Variants in FGF12 observed in about 807,000 individuals in gnomAD.
FGF12 encodes the protein fibroblast growth factor 12.
A neutral mutation model predicts 23.6 loss-of-function variants in FGF12; 14 were observed. That is an observed-to-expected ratio of 0.59 (90% CI 0.39 to 0.93). FGF12 has a LOEUF of 0.93. Among genes scored for constraint, FGF12 ranks in the 40% least tolerant of loss-of-function variants. The pLI, the probability that FGF12 is intolerant of heterozygous loss-of-function variation, is 0.00. For synonymous variants in FGF12, 62 were observed against 77.3 expected, an observed-to-expected ratio of 0.80 and a Z score of 1.04; for missense variants, 175 against 217.8, an observed-to-expected ratio of 0.80 and a Z score of 1.24.
chr3:192,570,543 G>A (rs1300165884), intron 2 of FGF12, among the ~76,000 whole-genome samples: 1 of 152,162 alleles, frequency 6.6e-6, no homozygotes, highest in Non-Finnish European at 1.5e-5. Flanking sequence ...ATTAAGGACT[G>A]AGTCTGGAAG....
At chr3:192,378,489 G>A (rs188597933) in intron 2 of FGF12, among the ~76,000 whole-genome samples, 1 of 152,000 alleles carries the variant, frequency 6.6e-6, no homozygotes, top group African/African-American at 2.4e-5. Context: ...AATTTAAATA[G>A]GTAAACCTTA....
intron 2 of FGF12, among the ~76,000 whole-genome samples, chr3:192,496,575 C>A (rs1276008897): frequency 5.3e-5 from 8 of 152,146 alleles, no homozygotes; most frequent in Non-Finnish European, 1.2e-4. Context: ...CTTCTCCACA[C>A]AACTTCACTG....
chr3:192,681,278 G>A (rs1223363287), intron 2 of FGF12, among the ~76,000 whole-genome samples: 1 of 152,198 alleles, frequency 6.6e-6, no homozygotes, highest in African/African-American at 2.4e-5. Context: ...GTGACATAAA[G>A]TCAGACTAGG....
At chr3:192,711,450 C>T (rs1348495774) in intron 2 of FGF12, among the ~76,000 whole-genome samples, 3 of 151,672 alleles carry the variant, frequency 2.0e-5, no homozygotes, top group Admixed American at 6.6e-5. Flanking sequence ...GGAGGTGTAC[C>T]CAACAGCTCA....
chr3:192,401,018 C>A (rs1330270210), intron 2 of FGF12, among the ~76,000 whole-genome samples: 1 of 152,184 alleles, frequency 6.6e-6, no homozygotes, highest in Non-Finnish European at 1.5e-5. Flanking sequence ...TAGTTTATAT[C>A]TCTCAATATT....
intron 4 of FGF12, among the ~76,000 whole-genome samples, chr3:192,189,160 C>A (rs80006992): frequency 0.022 from 3,405 of 152,284 alleles, 135 homozygotes; most frequent in African/African-American, 0.078. Flanking sequence ...ATCTCCAGTC[C>A]TGTTTAAGCC....
At chr3:192,323,170 G>A (rs115335838) in intron 4 of FGF12, among the ~76,000 whole-genome samples, 2,184 of 152,186 alleles carry the variant, frequency 0.014, 42 homozygotes, top group East Asian at 0.049. Flanking sequence ...GGTTCCTCAA[G>A]AAACTAAAAA....
chr3:192,529,343 A>G (rs1413448342), intron 2 of FGF12, among the ~76,000 whole-genome samples: 25 of 152,086 alleles, frequency 1.6e-4, no homozygotes, highest in Admixed American at 1.6e-3. Context: ...GTTTCTCACA[A>G]TTTCCTCATC....
At chr3:192,629,990 G>C (rs916233267) in intron 2 of FGF12, among the ~76,000 whole-genome samples, 16 of 152,178 alleles carry the variant, frequency 1.1e-4, no homozygotes, top group Non-Finnish European at 2.1e-4. Flanking sequence ...GGAATCCCCG[G>C]TATCAGAAGT....
At chr3:192,440,012 A>T (rs1722157621) in intron 2 of FGF12, among the ~76,000 whole-genome samples, 1 of 151,168 alleles carries the variant, frequency 6.6e-6, no homozygotes, top group South Asian at 2.1e-4. Context: ...AAGGAGAGGA[A>T]AGTCAGGGGA....
chr3:192,225,477 A>T (rs1718685882), intron 4 of FGF12, among the ~76,000 whole-genome samples: 1 of 152,154 alleles, frequency 6.6e-6, no homozygotes, highest in South Asian at 2.1e-4. Flanking sequence ...TCCAATGAGG[A>T]TGTAAAAACA....
chr3:192,536,841 A>C (rs1337005610), intron 2 of FGF12, among the ~76,000 whole-genome samples: 4 of 152,004 alleles, frequency 2.6e-5, no homozygotes, highest in Non-Finnish European at 5.9e-5. Context: ...TTTTAAATAT[A>C]TAGTAAATTA....
intron 2 of FGF12, among the ~76,000 whole-genome samples, chr3:192,632,680 T>C (rs1715433390): frequency 6.6e-6 from 1 of 152,244 alleles, no homozygotes; most frequent in Non-Finnish European, 1.5e-5. Context: ...CATTAATTCT[T>C]ATCGAAACTC....
chr3:192,493,605 C>A (rs768618946), intron 2 of FGF12, among the ~76,000 whole-genome samples: 5 of 152,068 alleles, frequency 3.3e-5, no homozygotes, highest in African/African-American at 1.2e-4. Context: ...ACAGGAAGCA[C>A]GATGCTGGCA....
chr3:192,440,203 A>G (rs1297823974), intron 2 of FGF12, among the ~76,000 whole-genome samples: 1 of 152,190 alleles, frequency 6.6e-6, no homozygotes, highest in Non-Finnish European at 1.5e-5. Flanking sequence ...GACCATTAAA[A>G]ACAATTTTTA....
intron 4 of FGF12, among the ~76,000 whole-genome samples, chr3:192,313,762 T>C (rs1039343314): frequency 1.3e-5 from 2 of 152,238 alleles, no homozygotes; most frequent in African/African-American, 2.4e-5. Context: ...TGCATATCTA[T>C]GCTTCAGTCT....
In FGF12 at chr3:192,594,574, C is replaced by T. The variant is rs531031327; in HGVS notation, c.13+132607G>A. Among the ~76,000 whole-genome samples the T allele has an allele frequency of 7.4e-4, 113 of 151,958 alleles. 2 individuals are homozygous for T. The highest frequency in any genetic ancestry group is 3.4e-3 in the Middle Eastern group (1 of 294). ...TGGAAACGTAATCCCCAAATTCATA[C>T]GTTGATGGCTTTTGGAGATGAGGCC... On this transcript the variant is annotated intron_variant, in intron 2 of 5. Transcript: ENST00000445105.
intron 2 of FGF12, among the ~76,000 whole-genome samples, chr3:192,378,076 T>C (rs559875829): frequency 8.7e-6 from 1 of 114,848 alleles, no homozygotes; most frequent in Admixed American, 8.7e-5. Context: ...CTTTCTTTCT[T>C]TCTTTCTTTC....
chr3:192,560,827 C>G (rs997791514), intron 2 of FGF12, among the ~76,000 whole-genome samples: 1 of 151,780 alleles, frequency 6.6e-6, no homozygotes, highest in Non-Finnish European at 1.5e-5. Flanking sequence ...TCTAACAAAC[C>G]TATTACTGAA....
Sources: gnomAD v4.1 joint callset for allele counts (sites outside exome capture counted in the v4.1 genomes callset) on GRCh38, gnomAD v4.1.1 for gene constraint, MANE v1.5 for transcripts, NCBI Gene and HGNC (gene_info 2026-07-23, HGNC 2026-07-21) for gene names.